ANKRD62: variants seen among roughly 807,000 people sequenced by gnomAD.
ANKRD62 encodes ankyrin repeat domain-containing protein 62.
Under a neutral mutation model 98.8 loss-of-function variants are expected in ANKRD62, and 61 were observed. The observed-to-expected ratio is 0.62, with a 90% confidence interval of 0.50 to 0.76. The LOEUF (loss-of-function observed/expected upper bound fraction) is 0.76. Among genes scored for constraint, ANKRD62 ranks in the 30% least tolerant of loss-of-function variants. The probability of loss-of-function intolerance (pLI) is 0.00; values close to 1 mark genes in which losing one functional copy is unlikely to be tolerated. For missense variants in ANKRD62, 933 were observed against 1,082.9 expected (o/e 0.86, Z 1.94); for synonymous variants, 341 against 367.9 (o/e 0.93, Z 0.84).
At chr18:12,118,854 T>A (rs145968784) in intron 10 of ANKRD62, among the ~76,000 whole-genome samples, 1 of 151,518 alleles carries the variant, frequency 6.6e-6, no homozygotes, top group Admixed American at 6.6e-5. Context: ...GAGTTTTTTT[T>A]ATTGGTAATA....
chr18:12,145,757 G>T, the ANKRD62 span, among the ~76,000 whole-genome samples: 1 of 152,004 alleles, frequency 6.6e-6, no homozygotes, highest in African/African-American at 2.4e-5. Context: ...GGCCTTCAGA[G>T]TGTGCAGACC....
At chr18:12,126,609 C>T (rs1204405996) in intron 13 of ANKRD62, among the ~76,000 whole-genome samples, 2 of 152,098 alleles carry the variant, frequency 1.3e-5, no homozygotes, top group African/African-American at 2.4e-5. Context: ...AAATTTTAAA[C>T]GTTTCAGTTA....
At position 12,107,408 on chromosome 18, in the gene ANKRD62, A is replaced by G; in HGVS notation, c.1005A>G (p.Ile335Met). The G allele has an allele frequency of 6.6e-7, 1 of 1,523,048 alleles. No homozygotes were observed. The highest frequency in any genetic ancestry group is 1.2e-5 in the South Asian group (1 of 81,656). 94.3% of individuals were successfully genotyped at this position (1,523,048 alleles called of 1,614,324 possible). A position where few individuals can be genotyped will look rare whatever the true frequency, so the allele number is the denominator to read the frequency against. ...NDDVDELIHK[I>M]KNRKPDNHQS... Reference sequence around the variant, plus strand: ...ATGTTGATGAATTAATTCACAAAATAAAGAACAGAAAACCTGATAATCATC... The same window carrying G: ...ATGTTGATGAATTAATTCACAAAATGAAGAACAGAAAACCTGATAATCATC... Residue 335 changes from isoleucine (I) to methionine (M), a missense_variant, in exon 8 of 14, where the codon ATA (isoleucine) becomes ATG (methionine). Ile to Met is a conservative substitution (Grantham distance 10). This residue lies in a region of ANKRD62 where 549 missense variants were observed against 587.9 expected (regional missense o/e 0.93). Transcript: ENST00000587848.
chr18:12,163,627 A>C, the ANKRD62 span, among the ~76,000 whole-genome samples: 3 of 152,112 alleles, frequency 2.0e-5, no homozygotes, highest in African/African-American at 7.2e-5. Context: ...TTCATTTAGT[A>C]TGATACTAGC....
At chr18:12,167,954 C>T in the ANKRD62 span, among the ~76,000 whole-genome samples, 31,869 of 152,092 alleles carry the variant, frequency 0.21, 4,272 homozygotes, top group East Asian at 0.54. Flanking sequence ...TATTCATATG[C>T]TTTGCCCACT....
chr18:12,119,035 G>A (rs566589983), intron 10 of ANKRD62, among the ~76,000 whole-genome samples: 27 of 152,046 alleles, frequency 1.8e-4, no homozygotes, highest in African/African-American at 6.0e-4. Context: ...TTTCTAGGAC[G>A]GTCCTCAGCT....
At chr18:12,096,484 G>A (rs1244985427) in intron 4 of ANKRD62, among the ~76,000 whole-genome samples, 182 bp downstream of exon 4, 2 of 152,164 alleles carry the variant, frequency 1.3e-5, no homozygotes, top group Non-Finnish European at 2.9e-5. Flanking sequence ...AAAAAATAGT[G>A]TATTGCAGGA....
At chr18:12,113,512 G>A (rs962564097) in intron 8 of ANKRD62, among the ~76,000 whole-genome samples, 8 of 152,202 alleles carry the variant, frequency 5.3e-5, no homozygotes, top group African/African-American at 1.7e-4. Flanking sequence ...TATAATCCCT[G>A]CTACACAGGA....
At chr18:12,109,840 A>G (rs796341669) in intron 8 of ANKRD62, among the ~76,000 whole-genome samples, 6 of 152,178 alleles carry the variant, frequency 3.9e-5, no homozygotes, top group African/African-American at 1.4e-4. Flanking sequence ...CATCTTTCAT[A>G]GACAATAAAT....
chr18:12,101,833 C>CA (rs1568059049), intron 6 of ANKRD62, among the ~76,000 whole-genome samples: 1 of 152,174 alleles, frequency 6.6e-6, no homozygotes, highest in Non-Finnish European at 1.5e-5. Context: ...ACCTTTTCCT[C>CA]AAATATTAAA....
At chr18:12,115,609 C>A in intron 10 of ANKRD62, 75 bp downstream of exon 10, 1 of 1,285,354 alleles carries the variant, frequency 7.8e-7, no homozygotes, top group South Asian at 1.6e-5. Context: ...TAGCACGGCA[C>A]CATAGAACAC....
In ANKRD62 at chr18:12,126,353, C is replaced by G. The variant is rs1358817394; in HGVS notation, c.2532C>G (p.Cys844Trp). The G allele has an allele frequency of 1.3e-6, 2 of 1,506,852 alleles. No homozygotes were observed. Among genetic ancestry groups the G allele is most frequent in the Non-Finnish European group, 1.8e-6 (2 of 1,135,190 alleles). The allele number at this position is 1,506,852 out of a possible 1,614,324, so 93.3% of individuals were successfully genotyped here. Residue 844 changes from cysteine (C) to tryptophan (W), a missense_variant, in exon 13 of 14, where the codon TGC becomes TGG. This residue lies in a region of ANKRD62 where 362 missense variants were observed against 434.5 expected (regional missense o/e 0.83). Transcript: ENST00000587848. ...GCACTCTTTTAAAAGAAAGACAATG[C>G]CAATATGAAAAAGAGAAAGAAGAAA... The part of the protein sequence containing the change: ...KECTLLKERQ[C>W]QYEKEKEERE...
At chr18:12,165,188 G>A in the ANKRD62 span, among the ~76,000 whole-genome samples, 1 of 151,770 alleles carries the variant, frequency 6.6e-6, no homozygotes, top group African/African-American at 2.4e-5. Context: ...TGTGCTTCTT[G>A]TAGGCAACAG....
chr18:12,101,985 G>A (rs2143899674), intron 6 of ANKRD62: 1 of 1,137,146 alleles, frequency 8.8e-7, no homozygotes, highest in South Asian at 1.2e-5. Flanking sequence ...TATTAAGTCA[G>A]AAAGGTCAGA....
rs564141915 is a variant in ANKRD62 at position 12,118,050 on chromosome 18, A to G, written c.1240+2516A>G. 3.3e-5 allele frequency among the ~76,000 whole-genome samples: 5 copies of G among 152,262 alleles called. No individual in the cohort carries two copies. In the South Asian group the frequency reaches 6.2e-4, roughly 19 times the overall value. On this transcript the variant is annotated intron_variant, in intron 10 of 13. Transcript: ENST00000587848. ...CTTAGTGGTACAGGTGCTGTAATGG[A>G]TGAGCCTACATTGGCACATCAGAAT...
rs920385781 is a variant in ANKRD62, at chr18:12,094,795, G to C, written c.219-376G>C. 2.5e-4 allele frequency among the ~76,000 whole-genome samples: 25 copies of C among 98,992 alleles called. No homozygotes were observed. In the South Asian group the frequency reaches 9.2e-3, roughly 37 times the overall value. The allele number at this position is 98,992 out of a possible 152,430, so 64.9% of individuals were successfully genotyped here. The stretch of plus-strand genomic sequence containing the variant: ...GCAGGACTGGTGTGGGGGTGGGTGG[G>C]GTTGGGGACTGTGGTGGGGGGTAGA... On this transcript the variant is annotated intron_variant, in intron 1 of 13. Transcript: ENST00000587848.
chr18:12,123,354 A>T (rs1318408136), intron 11 of ANKRD62, among the ~76,000 whole-genome samples: 1 of 152,072 alleles, frequency 6.6e-6, no homozygotes, highest in African/African-American at 2.4e-5. Flanking sequence ...CGCCTGGCCC[A>T]GTTTTACTCT....
At chr18:12,104,706 A>C (rs1013841913) in intron 7 of ANKRD62, among the ~76,000 whole-genome samples, 2 of 152,168 alleles carry the variant, frequency 1.3e-5, no homozygotes, top group Admixed American at 1.3e-4. Context: ...ATACCCTCAA[A>C]TTTGACAAAT....
chr18:12,110,423 A>G (rs1012663303), intron 8 of ANKRD62, among the ~76,000 whole-genome samples: 2 of 152,230 alleles, frequency 1.3e-5, no homozygotes, highest in African/African-American at 4.8e-5. Flanking sequence ...ATTCATTTAT[A>G]CCATGGTCTG....
Sources: gnomAD v4.1 joint callset for allele counts (sites outside exome capture counted in the v4.1 genomes callset) on GRCh38, gnomAD v4.1.1 for gene constraint, gnomAD v4.1.1 regional missense constraint, MANE v1.5 for transcripts, NCBI Gene and HGNC (gene_info 2026-07-23, HGNC 2026-07-21) for gene names.